Variants in UBTD2 observed in about 807,000 individuals in gnomAD.
UBTD2 encodes the protein ubiquitin domain containing 2.
A neutral mutation model predicts 19.8 loss-of-function variants in UBTD2; 9 were observed. The observed-to-expected ratio is 0.46, with a 90% CI of 0.27 to 0.79. The LOEUF is 0.79. Ranked by LOEUF, UBTD2 falls within the 30% of genes least tolerant of loss-of-function variation. UBTD2 has a pLI of 0.14. For missense variants in UBTD2, 250 were observed against 300.4 expected, an observed-to-expected ratio of 0.83 and a Z score of 1.24; for synonymous variants, 98 against 103.9, an observed-to-expected ratio of 0.94 and a Z score of 0.35.
At chr5:172,259,219 T>C (rs1027353750) in intron 1 of UBTD2, among the ~76,000 whole-genome samples, 1 of 152,124 alleles carries the variant, frequency 6.6e-6, no homozygotes, top group Admixed American at 6.6e-5. Flanking sequence ...CTCGGCTGAC[T>C]GCAACCTCTG....
intron 2 of UBTD2, among the ~76,000 whole-genome samples, chr5:172,227,573 T>G (rs1010982334): frequency 1.3e-5 from 2 of 151,972 alleles, no homozygotes; most frequent in African/African-American, 2.4e-5. Flanking sequence ...TTATTAAAGA[T>G]GGGGTTTTAC....
intron 1 of UBTD2, chr5:172,255,263 G>A: frequency 2.2e-6 from 1 of 460,986 alleles, no homozygotes; most frequent in Non-Finnish European, 4.4e-6. Flanking sequence ...GGCTCCATCT[G>A]TATTCCATGC....
intron 1 of UBTD2, among the ~76,000 whole-genome samples, chr5:172,277,760 GAA>G: frequency 6.9e-6 from 1 of 145,268 alleles, no homozygotes; most frequent in South Asian, 2.2e-4. Context: ...TCGAGAGAAT[GAA>G]AAGACAACTC....
At chr5:172,274,416 G>A (rs147820236) in intron 1 of UBTD2, among the ~76,000 whole-genome samples, 1 of 152,048 alleles carries the variant, frequency 6.6e-6, no homozygotes, top group African/African-American at 2.4e-5. Context: ...TGGGATTACA[G>A]GTGTGAGCCA....
chr5:172,256,456 A>G (rs1205996665), intron 1 of UBTD2, among the ~76,000 whole-genome samples: 1 of 150,508 alleles, frequency 6.6e-6, no homozygotes, highest in Non-Finnish European at 1.5e-5. Flanking sequence ...ATCAGGGCTC[A>G]CTGCAGTCTC....
intron 1 of UBTD2, among the ~76,000 whole-genome samples, chr5:172,270,854 T>C (rs148828055): frequency 0.011 from 1,608 of 152,252 alleles, 35 homozygotes; most frequent in African/African-American, 0.037. Context: ...AAATGCAGCA[T>C]TACATGGGAA....
At chr5:172,221,671 G>C (rs1317336875) in intron 2 of UBTD2, among the ~76,000 whole-genome samples, 1 of 152,092 alleles carries the variant, frequency 6.6e-6, no homozygotes, top group Non-Finnish European at 1.5e-5. Context: ...CAATAAAAAA[G>C]GTCAATGGTT....
chr5:172,269,926 A>C (rs1412570733), intron 1 of UBTD2, among the ~76,000 whole-genome samples: 2 of 151,218 alleles, frequency 1.3e-5, no homozygotes, highest in African/African-American at 4.9e-5. Flanking sequence ...AAATACAAAA[A>C]ATTAGCTGGG....
At chr5:172,243,339 A>C (rs1374879938) in intron 1 of UBTD2, among the ~76,000 whole-genome samples, 1 of 152,140 alleles carries the variant, frequency 6.6e-6, no homozygotes, top group Non-Finnish European at 1.5e-5. Context: ...TGTGTGGTGA[A>C]GATCTAATAC....
At chr5:172,258,022 T>C (rs1466259463) in intron 1 of UBTD2, among the ~76,000 whole-genome samples, 1 of 152,234 alleles carries the variant, frequency 6.6e-6, no homozygotes, top group South Asian at 2.1e-4. Flanking sequence ...AGGTCCCACC[T>C]GTCAATTTTT....
In UBTD2 at chr5:172,211,306, T is replaced by A. The variant is rs1179033851; in HGVS notation, c.*524A>T. ...TTGAGCTAAGAATAAAAAACCAGAA[T>A]AGAAGCAACCTCAAATACTGCTCTT... is the stretch of plus-strand genomic sequence containing the variant. On this transcript the variant is annotated 3_prime_UTR_variant, in exon 3 of 3. Coordinates refer to ENST00000393792, the MANE Select transcript of UBTD2 (RefSeq NM_152277.3). 1 of 152,396 alleles carries A rather than the reference T, an allele frequency of 6.6e-6. No homozygotes were observed. The highest frequency in any genetic ancestry group is 1.9e-4 in the East Asian group (1 of 5,196). The allele number at this position is 152,396 out of a possible 1,614,324, so 9.4% of individuals were successfully genotyped here.
intron 1 of UBTD2, chr5:172,255,160 G>A (rs1755112364): frequency 4.3e-6 from 2 of 463,366 alleles, no homozygotes; most frequent in African/African-American, 2.0e-5. Flanking sequence ...CAACCCAGGC[G>A]AGGCTCTCTG....
chr5:172,212,171 A>G lies in UBTD2; in HGVS notation c.364T>C (p.Cys122Arg). 1 of 1,613,988 alleles carries G rather than the reference A, an allele frequency of 6.2e-7. No homozygotes were observed. Reference protein sequence around the residue: ...LGNRYQLPVYCLAPPINMIEE... With the variant: ...LGNRYQLPVYRLAPPINMIEE... ...ATCATGTTGATTGGCGGTGCCAAGC[A>G]ATACACTGGAAGCTGATATCTGTTC... The change falls in exon 3 of 3, where the codon TGC becomes CGC. Residue 122 changes from cysteine (C) to arginine (R), a missense_variant. Coordinates refer to ENST00000393792, the MANE Select transcript of UBTD2 (RefSeq NM_152277.3).
chr5:172,238,852 T>C (rs1448241152), intron 1 of UBTD2, among the ~76,000 whole-genome samples: 4 of 152,084 alleles, frequency 2.6e-5, no homozygotes, highest in Non-Finnish European at 5.9e-5. Context: ...AAGGTGAAAA[T>C]ATCAAGATAT....
chr5:172,224,268 A>C (rs1188920669), intron 2 of UBTD2, among the ~76,000 whole-genome samples: 1 of 143,994 alleles, frequency 6.9e-6, no homozygotes, highest in African/African-American at 2.6e-5. Flanking sequence ...CATAATAATG[A>C]GTTCTCATGA....
intron 1 of UBTD2, among the ~76,000 whole-genome samples, chr5:172,269,326 C>T (rs1755439019): frequency 6.6e-6 from 1 of 151,682 alleles, no homozygotes; most frequent in South Asian, 2.1e-4. Flanking sequence ...CCCATCTCTA[C>T]TAAAAACACA....
intron 1 of UBTD2, among the ~76,000 whole-genome samples, chr5:172,260,387 A>G (rs889734352): frequency 1.3e-5 from 2 of 152,124 alleles, no homozygotes; most frequent in African/African-American, 4.8e-5. Context: ...CCCAGCTGAA[A>G]AACCTATCTT....
At chr5:172,219,598 T>C (rs1329352314) in intron 2 of UBTD2, among the ~76,000 whole-genome samples, 3 of 152,182 alleles carry the variant, frequency 2.0e-5, no homozygotes, top group African/African-American at 7.2e-5. Context: ...GCAATTTAGA[T>C]ATGCCAAAAG....
intron 2 of UBTD2, among the ~76,000 whole-genome samples, chr5:172,219,147 T>A (rs1248511346): frequency 6.6e-6 from 1 of 152,212 alleles, no homozygotes; most frequent in Non-Finnish European, 1.5e-5. Flanking sequence ...AATTAATAAC[T>A]TTCCAAAACA....
Sources: gnomAD v4.1 joint callset for allele counts (sites outside exome capture counted in the v4.1 genomes callset) on GRCh38, gnomAD v4.1.1 for gene constraint, MANE v1.5 for transcripts, NCBI Gene and HGNC (gene_info 2026-07-23, HGNC 2026-07-21) for gene names.